Variants in MTMR7 observed in about 807,000 individuals in gnomAD.
MTMR7 encodes phosphatidylinositol-3-phosphate phosphatase MTMR7.
In MTMR7, 76 loss-of-function variants were observed where a neutral mutation model predicts 81.2. The ratio of observed to expected loss-of-function variants is 0.94; its 90% CI spans 0.78 to 1.13. The LOEUF (loss-of-function observed/expected upper bound fraction) is 1.13, where lower values mean the gene tolerates loss of function less well. MTMR7 is among the 50% of genes most tolerant of loss of function. The pLI is 0.00. For synonymous variants in MTMR7, 372 were observed against 289.8 expected, an observed-to-expected ratio of 1.28 and a Z score of -2.88; for missense variants, 1,044 against 820.0, an observed-to-expected ratio of 1.27 and a Z score of -3.34.
At chr8:17,385,330 T>C (rs977407490) in intron 1 of MTMR7, among the ~76,000 whole-genome samples, 4 of 152,200 alleles carry the variant, frequency 2.6e-5, no homozygotes, top group African/African-American at 9.6e-5. Flanking sequence ...TCATCTTCAA[T>C]TGTAGCTCTC....
Position 17,297,020 on chromosome 8 carries a change from G to T in MTMR7, c.*2842C>A, listed in dbSNP as rs542862598. Reference sequence around the variant, plus strand: ...CCGTATGAATGTGGGTTCTGTTTTTGCAACAGAGATTAAGTGACCATTTTT... The same window carrying T: ...CCGTATGAATGTGGGTTCTGTTTTTTCAACAGAGATTAAGTGACCATTTTT... On this transcript the variant is annotated 3_prime_UTR_variant, in exon 14 of 14. Coordinates refer to ENST00000180173, the MANE Select transcript of MTMR7 (RefSeq NM_004686.5). 2.0e-5 allele frequency: 3 copies of T among 152,212 alleles called. No individual in the cohort carries two copies. In the South Asian group the frequency reaches 6.2e-4, roughly 32 times the overall value. The allele number at this position is 152,212 out of a possible 1,614,324, so 9.4% of individuals were successfully genotyped here.
intron 5 of MTMR7, among the ~76,000 whole-genome samples, chr8:17,344,949 T>C (rs1252153477): frequency 6.6e-6 from 1 of 151,978 alleles, no homozygotes; most frequent in African/African-American, 2.4e-5. Context: ...CTGTGCACCA[T>C]CTTAAAGTGA....
rs747455390 is a variant in MTMR7 at position 17,331,201 on chromosome 8, C to T, written c.814G>A (p.Gly272Arg). 2.5e-6 allele frequency: 4 copies of T among 1,612,612 alleles called. No homozygotes were observed. Among genetic ancestry groups the T allele is most frequent in the East Asian group, 2.2e-5 (1 of 44,786 alleles). The change falls in exon 7 of 14, where the codon GGG becomes AGG. Residue 272 changes from glycine (G) to arginine (R), a missense_variant. Gly to Arg is a moderately radical substitution (Grantham distance 125). Transcript: ENST00000180173. ...NYSNIKFQFI[G>R]IENIHVMRNS... Reference sequence around the variant, plus strand: ...CTCATGACATGGATGTTCTCTATCCCGATAAACTGAAACTTGATATTGGAA... The same window carrying T: ...CTCATGACATGGATGTTCTCTATCCTGATAAACTGAAACTTGATATTGGAA...
intron 1 of MTMR7, among the ~76,000 whole-genome samples, chr8:17,377,327 T>C (rs1182808747): frequency 2.0e-5 from 3 of 152,144 alleles, no homozygotes; most frequent in African/African-American, 7.2e-5. Context: ...TTACAAATTA[T>C]CTTACTGCAG....
intron 4 of MTMR7, among the ~76,000 whole-genome samples, chr8:17,359,432 T>C (rs80022018): frequency 1.6e-3 from 241 of 152,024 alleles, no homozygotes; most frequent in Non-Finnish European, 2.3e-3. Context: ...AACTTATTCC[T>C]ACAAAAACTT....
Position 17,331,173 on chromosome 8 carries a change from T to C in MTMR7, c.842A>G (p.Asn281Ser). The part of the protein sequence containing the change: ...IGIENIHVMR[N>S]SLQKMLEVCE... Reference sequence around the variant, plus strand: ...ACCTTCCAGCATTTTCTGCAGACTGTTCCTCATGACATGGATGTTCTCTAT... The same window carrying C: ...ACCTTCCAGCATTTTCTGCAGACTGCTCCTCATGACATGGATGTTCTCTAT... The change falls in exon 7 of 14, where the codon AAC becomes AGC. Residue 281 changes from asparagine to serine, a missense_variant. Transcript: ENST00000180173. 1 of 1,612,036 alleles carries C rather than the reference T, an allele frequency of 6.2e-7. No individual in the cohort carries two copies. The highest frequency in any genetic ancestry group is 8.5e-7 in the Non-Finnish European group (1 of 1,179,490).
intron 4 of MTMR7, chr8:17,349,317 T>G: frequency 7.9e-6 from 3 of 379,766 alleles, no homozygotes; most frequent in Non-Finnish European, 4.9e-6. Flanking sequence ...CCCCGTGCAC[T>G]GTCCCCTCTC....
chr8:17,349,154 C>G, intron 4 of MTMR7, 73 bp from the exon 5 acceptor site: 3 of 1,536,722 alleles, frequency 2.0e-6, no homozygotes, highest in Non-Finnish European at 2.7e-6. Context: ...AGAAATTCCA[C>G]TTCACCACGC....
At chr8:17,340,371 C>G (rs1457166076) in intron 6 of MTMR7, among the ~76,000 whole-genome samples, 1 of 152,226 alleles carries the variant, frequency 6.6e-6, no homozygotes, top group East Asian at 1.9e-4. Flanking sequence ...CATCTTTCTC[C>G]TCAGTCACAG....
chr8:17,332,222 G>GA (rs34010228), intron 6 of MTMR7, among the ~76,000 whole-genome samples: 6 of 151,828 alleles, frequency 4.0e-5, no homozygotes, highest in African/African-American at 2.4e-5. Context: ...CTCACCACCA[G>GA]AAAAAAATAT....
intron 1 of MTMR7, among the ~76,000 whole-genome samples, chr8:17,375,597 G>C (rs1407502029): frequency 5.3e-5 from 8 of 150,126 alleles, no homozygotes; most frequent in African/African-American, 1.5e-4. Flanking sequence ...GGTTTACTTT[G>C]CTACTGGGTG....
Position 17,299,412 on chromosome 8 carries a change from A to G in MTMR7, c.*450T>C, listed in dbSNP as rs1233089262. ...AATGTGCCTGTTTTTAGAAATATGT[A>G]TAAGAGGGTCGGAAAGGAGGATAAT... is the stretch of plus-strand genomic sequence containing the variant. On this transcript the variant is annotated 3_prime_UTR_variant, in exon 14 of 14. Transcript: ENST00000180173. The G allele has an allele frequency of 1.9e-5, 3 of 159,340 alleles. No homozygotes were observed. Among genetic ancestry groups the G allele is most frequent in the Admixed American group, 1.2e-4 (2 of 16,860 alleles). The allele number at this position is 159,340 out of a possible 1,614,324, so 9.9% of individuals were successfully genotyped here.
At chr8:17,381,440 G>C (rs1053570490) in intron 1 of MTMR7, among the ~76,000 whole-genome samples, 2 of 151,938 alleles carry the variant, frequency 1.3e-5, no homozygotes, top group African/African-American at 4.8e-5. Flanking sequence ...TTCAATCTTA[G>C]TAGAATGTGG....
intron 1 of MTMR7, among the ~76,000 whole-genome samples, chr8:17,393,186 C>T (rs56094215): frequency 0.067 from 10,244 of 152,158 alleles, 979 homozygotes; most frequent in African/African-American, 0.21. Flanking sequence ...AGGAAAATTA[C>T]TTTCAATAAA....
chr8:17,336,112 A>G (rs1362116088), intron 6 of MTMR7, among the ~76,000 whole-genome samples: 2 of 152,182 alleles, frequency 1.3e-5, no homozygotes, highest in East Asian at 1.9e-4. Context: ...CAAGTGCTCA[A>G]TCTCCCAAGG....
chr8:17,338,102 A>G (rs1370153610), intron 6 of MTMR7, among the ~76,000 whole-genome samples: 6 of 152,228 alleles, frequency 3.9e-5, no homozygotes, highest in African/African-American at 1.4e-4. Context: ...AGTCTTTAAA[A>G]GAATGAAAGC....
At chr8:17,410,437 C>G (rs890986516) in intron 1 of MTMR7, among the ~76,000 whole-genome samples, 4 of 152,246 alleles carry the variant, frequency 2.6e-5, no homozygotes, top group African/African-American at 9.6e-5. Flanking sequence ...GCACTTGAAC[C>G]CAAATTATGC....
chr8:17,325,559 C>T (rs1586190090), intron 7 of MTMR7, among the ~76,000 whole-genome samples: 1 of 152,142 alleles, frequency 6.6e-6, no homozygotes, highest in Admixed American at 6.5e-5. Flanking sequence ...AGTCCCTGAC[C>T]GTACGATCGC....
At chr8:17,321,561 G>A (rs1328428628) in intron 7 of MTMR7, among the ~76,000 whole-genome samples, 1 of 152,312 alleles carries the variant, frequency 6.6e-6, no homozygotes, top group African/African-American at 2.4e-5. Flanking sequence ...GGGCAGATGG[G>A]GATACACTTG....
Sources: gnomAD v4.1 joint callset for allele counts (sites outside exome capture counted in the v4.1 genomes callset) on GRCh38, gnomAD v4.1.1 for gene constraint, MANE v1.5 for transcripts, NCBI Gene and HGNC (gene_info 2026-07-23, HGNC 2026-07-21) for gene names.